The following CCN6 variants were observed in gnomAD, a reference collection of about 807,000 sequenced individuals.
CCN6 encodes CCN family member 6.
In CCN6, 31 loss-of-function variants were observed where a neutral mutation model predicts 37.4. The observed-to-expected ratio is 0.83, with a 90% confidence interval of 0.62 to 1.12. CCN6 has a LOEUF of 1.12. CCN6 is among the 50% of genes most tolerant of loss of function. The pLI is 0.00. For synonymous variants in CCN6, 137 were observed against 142.1 expected, an observed-to-expected ratio of 0.96 and a Z score of 0.26; for missense variants, 369 against 413.8, an observed-to-expected ratio of 0.89 and a Z score of 0.94.
rs139851032 is a variant in CCN6 at position 112,058,344 on chromosome 6, T to A, written c.49-2647T>A. Reference sequence around the variant, plus strand: ...CCTACAGATACTTCTAAATGTAGAATTTTTGAGCTGCAAATGGACTTAGAT... The same window carrying A: ...CCTACAGATACTTCTAAATGTAGAAATTTTGAGCTGCAAATGGACTTAGAT... On this transcript the variant is annotated intron_variant, in intron 1 of 4. Coordinates refer to ENST00000368666, the MANE Select transcript of CCN6 (RefSeq NM_198239.2). 1.2e-3 allele frequency among the ~76,000 whole-genome samples: 185 copies of A among 152,336 alleles called. 3 individuals are homozygous for A. In the East Asian group the frequency reaches 0.028, roughly 23 times the overall value.
intron 2 of CCN6, among the ~76,000 whole-genome samples, chr6:112,063,128 C>T (rs782543086): frequency 3.3e-5 from 5 of 152,124 alleles, no homozygotes; most frequent in African/African-American, 7.2e-5. Flanking sequence ...TAGCTAGAGT[C>T]GCACATTTGC....
At chr6:112,069,316 C>T (rs782497008) in intron 4 of CCN6, 23 bp from the exon 5 acceptor site, 13 of 1,608,992 alleles carry the variant, frequency 8.1e-6, no homozygotes, top group Non-Finnish European at 8.5e-6. Flanking sequence ...TAAAGAATGA[C>T]TTCATTTTAT....
intron 1 of CCN6, chr6:112,060,170 A>G: frequency 2.3e-6 from 3 of 1,312,372 alleles, no homozygotes; most frequent in Admixed American, 2.3e-5. Context: ...TGAATTTTAC[A>G]TGGAAATGGG....
At chr6:112,061,314 G>A (rs1383468609) in intron 2 of CCN6, 26 bp downstream of exon 2, 2 of 1,613,790 alleles carry the variant, frequency 1.2e-6, no homozygotes, top group African/African-American at 2.7e-5. Context: ...TGGACCTGCT[G>A]GAAAAGATTG....
chr6:112,060,129 G>C, intron 1 of CCN6: 1 of 1,344,638 alleles, frequency 7.4e-7, no homozygotes, highest in Non-Finnish European at 9.9e-7. Context: ...GGGGAGGGGG[G>C]ACCACAGGAT....
At chr6:112,060,889 C>T in intron 1 of CCN6, 102 bp from the exon 2 acceptor site, 1 of 1,360,862 alleles carries the variant, frequency 7.3e-7, no homozygotes, top group East Asian at 2.3e-5. Context: ...ATGATTGTAA[C>T]TCACCACTCT....
chr6:112,054,250 C>T lies in CCN6; in HGVS notation c.-108C>T. The T allele has an allele frequency of 6.7e-7, 1 of 1,484,250 alleles. No individual in the cohort carries two copies. Among genetic ancestry groups the T allele is most frequent in the Middle Eastern group, 1.7e-4 (1 of 5,844 alleles). 91.9% of individuals were successfully genotyped at this position (1,484,250 alleles called of 1,614,324 possible). ...GAGGTAGAGGGTGTGTGTTCTTGTGCAGAGGAGCGTGGGGTTTGCAGAGGA... is the reference window on the plus strand; with the variant it reads ...GAGGTAGAGGGTGTGTGTTCTTGTGTAGAGGAGCGTGGGGTTTGCAGAGGA... On this transcript the variant is annotated 5_prime_UTR_variant, in exon 1 of 5. Coordinates refer to ENST00000368666, the MANE Select transcript of CCN6 (RefSeq NM_198239.2).
Position 112,065,110 on chromosome 6 carries a change from A to G in CCN6, c.589+113A>G. On this transcript the variant is annotated intron_variant, in intron 3 of 4. Coordinates refer to ENST00000368666, the MANE Select transcript of CCN6 (RefSeq NM_198239.2). ...CTTGTTGATTGGTGGTCAGAGTGAG[A>G]TATAGTTTGAGTGTATCATTTTACT... is the stretch of plus-strand genomic sequence containing the variant. The G allele has an allele frequency of 2.0e-6, 3 of 1,513,744 alleles. No homozygotes were observed. The South Asian group carries it at 3.4e-5, about 17-fold the overall frequency. 93.8% of individuals were successfully genotyped at this position (1,513,744 alleles called of 1,614,324 possible).
intron 3 of CCN6, chr6:112,066,821 A>G (rs1319220590): frequency 8.8e-5 from 45 of 512,504 alleles, no homozygotes; most frequent in African/African-American, 5.3e-4. Flanking sequence ...GCTTTTTTCA[A>G]TGCTCACCAA....
chr6:112,069,686 ATGG>A, downstream of CCN6: 1 of 1,566,438 alleles, frequency 6.4e-7, no homozygotes, highest in Non-Finnish European at 8.8e-7. Flanking sequence ...TGAGTATAAA[ATGG>A]TGGCAAATCT....
At position 112,065,070 on chromosome 6, in the gene CCN6, G is replaced by A. The variant is rs1473989667; in HGVS notation, c.589+73G>A. 1.8e-5 allele frequency: 29 copies of A among 1,604,080 alleles called. No homozygotes were observed. In the Admixed American group the frequency reaches 4.8e-4, roughly 27 times the overall value. ...CTTCATGTTCCTTTTACGTATCATA[G>A]GTACTCAGTAAGTACTTGTTGATTG... is the stretch of plus-strand genomic sequence containing the variant. On this transcript the variant is annotated intron_variant, in intron 3 of 4. Coordinates refer to ENST00000368666, the MANE Select transcript of CCN6 (RefSeq NM_198239.2).
At position 112,061,251 on chromosome 6, in the gene CCN6, A is replaced by G. The variant is rs782037350; in HGVS notation, c.309A>G (p.Ser103=). 6.2e-6 allele frequency: 10 copies of G among 1,614,224 alleles called. No homozygotes were observed. Among genetic ancestry groups the G allele is most frequent in the Non-Finnish European group, 8.5e-6 (10 of 1,180,046 alleles). ...DPHKGLYCDY[S]VDRPRYETGV... is the part of the protein sequence containing the mutation. The stretch of plus-strand genomic sequence containing the variant: ...ACAAAGGGCTGTATTGTGACTACTC[A>G]GTAGACAGGCCTAGGTACGAGACTG... The change falls in exon 2 of 5, where the codon TCA becomes TCG. Residue 103 remains serine (S), a synonymous_variant. Transcript: ENST00000368666.
chr6:112,059,598 G>T (rs1776449209), intron 1 of CCN6, among the ~76,000 whole-genome samples: 1 of 152,146 alleles, frequency 6.6e-6, no homozygotes, highest in South Asian at 2.1e-4. Flanking sequence ...ATAACCTCAA[G>T]ATTCTTAAGT....
intron 3 of CCN6, among the ~76,000 whole-genome samples, chr6:112,065,984 G>A (rs1216671883): frequency 6.6e-6 from 1 of 152,152 alleles, no homozygotes; most frequent in Admixed American, 6.5e-5. Context: ...AGAGCTTAGT[G>A]AGAGGTGCCA....
chr6:112,061,192 G>C lies in CCN6; in HGVS notation c.250G>C (p.Glu84Gln), dbSNP rs1776510387. The stretch of plus-strand genomic sequence containing the variant: ...TAAAATCTGTGCCAAGCAACCAGGG[G>C]AAATCTGCAATGAAGCTGACCTCTG... ...CCKICAKQPG[E>Q]ICNEADLCDP... is the part of the protein sequence containing the mutation. Residue 84 changes from glutamate to glutamine, a missense_variant, in exon 2 of 5, where the codon GAA becomes CAA. By Grantham distance (29) the Glu-to-Gln change is conservative (BLOSUM62 2). Transcript: ENST00000368666. 6.2e-7 allele frequency: 1 copy of C among 1,614,190 alleles called. No homozygotes were observed. The highest frequency in any genetic ancestry group is 1.3e-5 in the African/African-American group (1 of 75,052).
rs1220169623 is a variant in CCN6, at chr6:112,060,680, G to A, written c.49-311G>A. ...TATAGTGAGGGAAGATACTTTAGAGGCCTTATCCATGGGGCTCTGAGGTTT... is the reference window on the plus strand; with the variant it reads ...TATAGTGAGGGAAGATACTTTAGAGACCTTATCCATGGGGCTCTGAGGTTT... On this transcript the variant is annotated intron_variant, in intron 1 of 4. Transcript: ENST00000368666. Among the ~76,000 whole-genome samples the A allele has an allele frequency of 3.3e-5, 5 of 152,148 alleles. No individual in the cohort carries two copies. The Middle Eastern group carries it at 0.014, about 414-fold the overall frequency.
At chr6:112,066,727 T>G (rs1299065595) in intron 3 of CCN6, among the ~76,000 whole-genome samples, 1 of 152,182 alleles carries the variant, frequency 6.6e-6, no homozygotes, top group Non-Finnish European at 1.5e-5. Flanking sequence ...TAATTTATAG[T>G]CTATGGTTGG....
rs782180248 is a variant in CCN6 at position 112,064,821 on chromosome 6, A to G, written c.413A>G (p.Asn138Ser). ...HYHNGQVFQP[N>S]PLFSCLCVSG... ...CATAATGGCCAAGTGTTTCAGCCCAACCCCTTGTTCAGCTGCCTCTGTGTG... is the reference window on the plus strand; with the variant it reads ...CATAATGGCCAAGTGTTTCAGCCCAGCCCCTTGTTCAGCTGCCTCTGTGTG... The change falls in exon 3 of 5, where the codon AAC (asparagine) becomes AGC (serine). Residue 138 changes from asparagine to serine, a missense_variant. Asn to Ser is a conservative substitution (Grantham distance 46). Coordinates refer to ENST00000368666, the MANE Select transcript of CCN6 (RefSeq NM_198239.2). 3 of 1,613,910 alleles carry G rather than the reference A, an allele frequency of 1.9e-6. No homozygotes were observed. Among genetic ancestry groups the G allele is most frequent in the East Asian group, 2.2e-5 (1 of 44,896 alleles).
intron 1 of CCN6, chr6:112,059,937 C>T (rs1419827133): frequency 7.5e-6 from 10 of 1,328,842 alleles, no homozygotes; most frequent in Non-Finnish European, 1.0e-5. Context: ...ATAGGGTGCC[C>T]TTTCACAAAG....
Sources: gnomAD v4.1 joint callset for allele counts (sites outside exome capture counted in the v4.1 genomes callset) on GRCh38, gnomAD v4.1.1 for gene constraint, MANE v1.5 for transcripts, NCBI Gene and HGNC (gene_info 2026-07-23, HGNC 2026-07-21) for gene names.